The following PCDHAC1 variants were observed in gnomAD, a reference collection of about 807,000 sequenced individuals.
The protein encoded by PCDHAC1 is protocadherin alpha-C1.
PCDHAC1 carries 42 observed loss-of-function variants against 60.0 expected under a neutral mutation model. The ratio of observed to expected loss-of-function variants is 0.70; its 90% CI spans 0.55 to 0.90. PCDHAC1 has a LOEUF of 0.90. PCDHAC1 is among the 40% of genes least tolerant of loss of function. The probability of loss-of-function intolerance (pLI) is 0.00; values close to 1 mark genes in which losing one functional copy is unlikely to be tolerated. For synonymous variants in PCDHAC1, 468 were observed against 499.3 expected (o/e 0.94, Z 0.84); for missense variants, 1,160 against 1,222.3 (o/e 0.95, Z 0.76).
chr5:140,961,793 A>G (rs1554225592), intron 1 of PCDHAC1, among the ~76,000 whole-genome samples: 2 of 152,166 alleles, frequency 1.3e-5, no homozygotes, highest in Admixed American at 1.3e-4. Flanking sequence ...TTTTTAAAAG[A>G]TAGGAAATTG....
intron 1 of PCDHAC1, among the ~76,000 whole-genome samples, chr5:140,972,168 G>T (rs969968770): frequency 2.6e-5 from 4 of 152,064 alleles, no homozygotes; most frequent in African/African-American, 9.7e-5. Context: ...TTGAGACAGA[G>T]TCTTGGCCTG....
At chr5:141,007,095 G>A (rs1405401392) in intron 3 of PCDHAC1, among the ~76,000 whole-genome samples, 2 of 152,208 alleles carry the variant, frequency 1.3e-5, no homozygotes, top group East Asian at 1.9e-4. Context: ...AGAGAGTCTA[G>A]GGCCAAACCC....
intron 2 of PCDHAC1, among the ~76,000 whole-genome samples, chr5:140,981,681 C>T (rs1187108666): frequency 6.6e-6 from 1 of 152,064 alleles, no homozygotes; most frequent in Non-Finnish European, 1.5e-5. Context: ...TTCCTTCCTC[C>T]CTTCCATCAT....
intron 1 of PCDHAC1, among the ~76,000 whole-genome samples, chr5:140,953,105 G>A (rs191289853): frequency 5.3e-5 from 8 of 152,214 alleles, no homozygotes; most frequent in Non-Finnish European, 1.2e-4. Flanking sequence ...ATGAGATTTG[G>A]GCAGGGACAC....
At chr5:141,005,824 G>T (rs1380044629) in intron 3 of PCDHAC1, among the ~76,000 whole-genome samples, 2 of 151,660 alleles carry the variant, frequency 1.3e-5, no homozygotes, top group African/African-American at 4.8e-5. Flanking sequence ...ATGGTGGCCT[G>T]TAGTCCCAGC....
At chr5:140,958,746 G>C (rs946339571) in intron 1 of PCDHAC1, among the ~76,000 whole-genome samples, 1 of 152,066 alleles carries the variant, frequency 6.6e-6, no homozygotes, top group African/African-American at 2.4e-5. Flanking sequence ...AGAGAGAAAG[G>C]AGATTTTTAC....
intron 1 of PCDHAC1, among the ~76,000 whole-genome samples, chr5:140,950,490 C>A (rs2153689793): frequency 6.6e-6 from 1 of 152,114 alleles, no homozygotes; most frequent in South Asian, 2.1e-4. Context: ...AGTGTGTAGT[C>A]ATTTAAGTCA....
At chr5:140,935,291 C>T (rs1221872941) in intron 1 of PCDHAC1, among the ~76,000 whole-genome samples, 4 of 152,100 alleles carry the variant, frequency 2.6e-5, no homozygotes, top group East Asian at 1.9e-4. Context: ...TTCAGCACTC[C>T]GAGGTTTTTA....
At position 140,926,863 on chromosome 5, in the gene PCDHAC1, G is replaced by A; in HGVS notation, c.-30G>A. The A allele has an allele frequency of 1.3e-6, 2 of 1,523,054 alleles. No individual in the cohort carries two copies. Among genetic ancestry groups the A allele is most frequent in the Non-Finnish European group, 8.8e-7 (1 of 1,135,288 alleles). 94.3% of individuals were successfully genotyped at this position (1,523,054 alleles called of 1,614,324 possible). On this transcript the variant is annotated 5_prime_UTR_variant, in exon 1 of 4. Transcript: ENST00000253807. ...TCCTGGGTCACCGTTGGTGTAGCGT[G>A]TTGGTGGAACGTGGACGCCTAGAGG... is the stretch of plus-strand genomic sequence containing the variant.
At chr5:140,949,453 A>T (rs1284957540) in intron 1 of PCDHAC1, among the ~76,000 whole-genome samples, 4 of 151,762 alleles carry the variant, frequency 2.6e-5, no homozygotes, top group African/African-American at 9.7e-5. Flanking sequence ...TGCTTCATGT[A>T]ATTTGAAGCC....
At chr5:140,982,380 C>A in intron 2 of PCDHAC1, 95 bp from the exon 3 acceptor site, 1 of 1,577,206 alleles carries the variant, frequency 6.3e-7, no homozygotes, top group South Asian at 1.2e-5. Context: ...AGCTGCAGCC[C>A]TGGCTTCATA....
In PCDHAC1 at chr5:140,978,956, A is replaced by G; in HGVS notation, c.2441A>G (p.Gln814Arg). 3 of 1,614,194 alleles carry G rather than the reference A, an allele frequency of 1.9e-6. No individual in the cohort carries two copies. The highest frequency in any genetic ancestry group is 2.5e-6 in the Non-Finnish European group (3 of 1,180,026). ...CTCTTTGTGATTTTGCAGCCACGAC[A>G]GCCCAACCCTGACTGGCGTTACTCT... ...DHANVNAMPR[Q>R]PNPDWRYSAS... Residue 814 changes from glutamine (Q) to arginine (R), a missense_variant, in exon 2 of 4, where the codon CAG becomes CGG. Transcript: ENST00000253807.
intron 3 of PCDHAC1, 104 bp from the exon 4 acceptor site, chr5:141,009,523 G>A: frequency 6.7e-7 from 1 of 1,502,140 alleles, no homozygotes; most frequent in Non-Finnish European, 8.9e-7. Flanking sequence ...GATTTTTCTG[G>A]GGAGGTTCAG....
At chr5:140,957,549 C>G (rs563057107) in intron 1 of PCDHAC1, among the ~76,000 whole-genome samples, 1 of 152,156 alleles carries the variant, frequency 6.6e-6, no homozygotes, top group South Asian at 2.1e-4. Context: ...AAAGTATTCT[C>G]TGTGGAAAAG....
intron 3 of PCDHAC1, among the ~76,000 whole-genome samples, chr5:141,008,498 T>G (rs2098379874): frequency 6.6e-6 from 1 of 152,158 alleles, no homozygotes. Context: ...CTGGTATACT[T>G]TATGGTGTGT....
intron 1 of PCDHAC1, chr5:140,968,442 T>G (rs1245424149): frequency 3.1e-6 from 5 of 1,613,950 alleles, no homozygotes; most frequent in Non-Finnish European, 4.2e-6. Context: ...AGCCCACCAC[T>G]GAGCAGCACT....
At position 140,927,406 on chromosome 5, in the gene PCDHAC1, G is replaced by C; in HGVS notation, c.514G>C (p.Asp172His). ...SLSPSQHFRL[D>H]MGSRVDGSEY... ...AAGCCCCAGTCAGCACTTTCGCCTG[G>C]ACATGGGATCGCGGGTTGACGGCAG... Residue 172 changes from aspartate (D) to histidine (H), a missense_variant, in exon 1 of 4, where the codon GAC (aspartate) becomes CAC (histidine). By Grantham distance (81) the Asp-to-His change is moderately conservative. Around this residue, in one of 3 missense-constraint regions of PCDHAC1, gnomAD observed 1,113 missense variants for 1,163.7 expected, o/e 0.96. Transcript: ENST00000253807. 1 of 1,614,210 alleles carries C rather than the reference G, an allele frequency of 6.2e-7. No homozygotes were observed. Among genetic ancestry groups the C allele is most frequent in the East Asian group, 2.2e-5 (1 of 44,870 alleles).
intron 2 of PCDHAC1, among the ~76,000 whole-genome samples, chr5:140,980,164 G>A (rs187011465): frequency 1.6e-3 from 238 of 152,226 alleles, no homozygotes; most frequent in Middle Eastern, 6.8e-3. Context: ...AGAATATTAG[G>A]TATCAGAAGA....
chr5:140,978,444 T>G (rs2096802589), intron 1 of PCDHAC1, among the ~76,000 whole-genome samples: 1 of 152,248 alleles, frequency 6.6e-6, no homozygotes, highest in Non-Finnish European at 1.5e-5. Context: ...GTGTTATGAC[T>G]GGGCACATCC....
Sources: allele counts gnomAD v4.1 joint callset (sites outside exome capture counted in the v4.1 genomes callset), GRCh38; gene constraint gnomAD v4.1.1; regional missense constraint gnomAD v4.1.1; transcripts MANE v1.5; gene names NCBI Gene and HGNC (gene_info 2026-07-23, HGNC 2026-07-21).